The following VWA3A variants were observed in gnomAD, a reference collection of about 807,000 sequenced individuals.
The protein encoded by VWA3A is von Willebrand factor A domain containing 3A.
In VWA3A, 134 loss-of-function variants were observed where a neutral mutation model predicts 160.4. That is an observed-to-expected ratio of 0.84 (90% CI 0.73 to 0.96). The LOEUF (loss-of-function observed/expected upper bound fraction) is 0.96, where lower values mean the gene tolerates loss of function less well. VWA3A is among the 40% of genes least tolerant of loss of function. The probability of loss-of-function intolerance (pLI) is 0.00; values close to 1 mark genes in which losing one functional copy is unlikely to be tolerated. For missense variants in VWA3A, 1,310 were observed against 1,447.9 expected (o/e 0.90, Z 1.55); for synonymous variants, 476 against 543.4 (o/e 0.88, Z 1.72).
At chr16:22,139,036 T>C (rs1369060731) in intron 22 of VWA3A, among the ~76,000 whole-genome samples, 2 of 152,086 alleles carry the variant, frequency 1.3e-5, no homozygotes, top group African/African-American at 4.8e-5. Context: ...CAGAGGCACC[T>C]GTGCTTGTGA....
At position 22,142,711 on chromosome 16, in the gene VWA3A, G is replaced by A; in HGVS notation, c.2538G>A (p.Arg846=). The change falls in exon 25 of 34, where the codon AGG becomes AGA. Residue 846 remains arginine, a synonymous_variant. Transcript: ENST00000389398. ...ACCCTCAAGGAAGGGGCTTGAGAAG[G>A]ACTAGCTCTTCTATTGACTTACCCA... ...KKYPQGRGLR[R]TSSSIDLPRK... 1 of 1,576,026 alleles carries A rather than the reference G, an allele frequency of 6.3e-7. No homozygotes were observed. Among genetic ancestry groups the A allele is most frequent in the South Asian group, 1.2e-5 (1 of 85,614 alleles).
chr16:22,127,205 C>A (rs1436728674), intron 17 of VWA3A, among the ~76,000 whole-genome samples: 1 of 151,958 alleles, frequency 6.6e-6, no homozygotes, highest in Non-Finnish European at 1.5e-5. Context: ...AAGTTCACTG[C>A]AGCCTCCTCC....
chr16:22,113,132 A>T (rs2045574846), intron 8 of VWA3A, among the ~76,000 whole-genome samples: 1 of 152,104 alleles, frequency 6.6e-6, no homozygotes, highest in African/African-American at 2.4e-5. Flanking sequence ...ACCCTATGTC[A>T]TATCTTTACC....
At position 22,096,841 on chromosome 16, in the gene VWA3A, T is replaced by C. The variant is rs2141826354; in HGVS notation, c.15-18T>C. 2 of 1,479,158 alleles carry C rather than the reference T, an allele frequency of 1.4e-6. No individual in the cohort carries two copies. Among genetic ancestry groups the C allele is most frequent in the East Asian group, 2.5e-5 (1 of 40,634 alleles). 91.6% of individuals were successfully genotyped at this position (1,479,158 alleles called of 1,614,324 possible). On this transcript the variant is annotated intron_variant, in intron 1 of 33. Transcript: ENST00000389398. ...ATGCCACATTTATCCTGTTTTCTGG[T>C]ATTCTTTTCTTCTTTAGGAAAATAA... is the stretch of plus-strand genomic sequence containing the variant.
chr16:22,095,615 T>C (rs1045703272), intron 1 of VWA3A, among the ~76,000 whole-genome samples: 4 of 152,220 alleles, frequency 2.6e-5, no homozygotes, highest in Non-Finnish European at 5.9e-5. Flanking sequence ...TTGAGTGCAG[T>C]GGCATGATCA....
intron 16 of VWA3A, among the ~76,000 whole-genome samples, chr16:22,124,127 G>A (rs1282289887): frequency 2.1e-5 from 3 of 144,054 alleles, no homozygotes; most frequent in African/African-American, 7.9e-5. Flanking sequence ...GCTGCAGTGG[G>A]CTATGATCGT....
At chr16:22,113,787 T>TG (rs2045591930) in intron 8 of VWA3A, among the ~76,000 whole-genome samples, 1 of 151,386 alleles carries the variant, frequency 6.6e-6, no homozygotes, top group African/African-American at 2.4e-5. Flanking sequence ...TTTGTGGAGA[T>TG]GGGGTCTGGC....
At position 22,124,582 on chromosome 16, in the gene VWA3A, CAG is replaced by C. The variant is rs1247051283; in HGVS notation, c.1532+878_1532+879del. Among the ~76,000 whole-genome samples, 5 of 146,008 alleles carry C rather than the reference CAG, an allele frequency of 3.4e-5. No individual in the cohort carries two copies. The Admixed American group carries it at 3.5e-4, about 10-fold the overall frequency. ...TTATTATTATTATTATTATTAGAGA[CAG>C]AGTCTTGCTATGTTGCCCAGGCTGG... On this transcript the variant is annotated intron_variant, in intron 16 of 33. Coordinates refer to ENST00000389398, the MANE Select transcript of VWA3A (RefSeq NM_173615.5).
At chr16:22,104,047 G>T (rs181571393) in intron 6 of VWA3A, among the ~76,000 whole-genome samples, 2 of 152,190 alleles carry the variant, frequency 1.3e-5, no homozygotes, top group African/African-American at 4.8e-5. Context: ...ACAGATGGTT[G>T]CATGTGGAAG....
At chr16:22,115,769 T>G (rs1348065255) in intron 9 of VWA3A, among the ~76,000 whole-genome samples, 1 of 148,620 alleles carries the variant, frequency 6.7e-6, no homozygotes, top group Non-Finnish European at 1.5e-5. Flanking sequence ...CCCAGGAGTT[T>G]AAGGCTGCAG....
At chr16:22,138,062 G>A (rs1415418610) in intron 21 of VWA3A, among the ~76,000 whole-genome samples, 2 of 152,146 alleles carry the variant, frequency 1.3e-5, no homozygotes. Context: ...GTAAAATGGG[G>A]AGACGACACA....
chr16:22,103,624 A>ACT, intron 6 of VWA3A, 95 bp downstream of exon 6: 1 of 1,429,390 alleles, frequency 7.0e-7, no homozygotes, highest in Non-Finnish European at 9.5e-7. Context: ...CTCCAATATA[A>ACT]ATTGCTTAAG....
chr16:22,110,192 C>T (rs2141868859), intron 7 of VWA3A, among the ~76,000 whole-genome samples: 1 of 152,240 alleles, frequency 6.6e-6, no homozygotes, highest in Middle Eastern at 3.4e-3. Flanking sequence ...CCTAGGGTTG[C>T]CATAAGGGTA....
At position 22,097,043 on chromosome 16, in the gene VWA3A, G is replaced by A. The variant is rs2045337194; in HGVS notation, c.101+98G>A. 4 of 751,922 alleles carry A rather than the reference G, an allele frequency of 5.3e-6. No individual in the cohort carries two copies. The South Asian group carries it at 5.3e-5, about 10-fold the overall frequency. The allele number at this position is 751,922 out of a possible 1,614,324, so 46.6% of individuals were successfully genotyped here. On this transcript the variant is annotated intron_variant, in intron 2 of 33. Transcript: ENST00000389398. ...TGCAGTGGCACAATCTAGGCTCACT[G>A]CAAGCTCTGCCCTCCGGGTTCATGC...
chr16:22,118,835 C>T, intron 11 of VWA3A, 67 bp from the exon 12 acceptor site: 1 of 1,596,984 alleles, frequency 6.3e-7, no homozygotes, highest in Non-Finnish European at 8.5e-7. Flanking sequence ...CTGCTTGCCC[C>T]TTCCTGGGTT....
intron 1 of VWA3A, among the ~76,000 whole-genome samples, chr16:22,095,582 G>T (rs1405138659): frequency 2.6e-5 from 4 of 152,158 alleles, no homozygotes; most frequent in African/African-American, 9.7e-5. Context: ...TTTAGAAACA[G>T]AATCTCCCTC....
chr16:22,142,890 C>A, intron 25 of VWA3A, 125 bp downstream of exon 25: 2 of 708,266 alleles, frequency 2.8e-6, no homozygotes, highest in Non-Finnish European at 4.7e-6. Context: ...GTGACTCACA[C>A]CTGTAATCCC....
Position 22,129,051 on chromosome 16 carries a change from C to A in VWA3A, c.1653-2154C>A, listed in dbSNP as rs554513275. Among the ~76,000 whole-genome samples, 4 of 152,004 alleles carry A rather than the reference C, an allele frequency of 2.6e-5. No homozygotes were observed. The South Asian group carries it at 8.3e-4, about 32-fold the overall frequency. ...GGCAGGAGTTTACCTATATAACAAACCTGCACACGTACCCCTGAGCCCAAA... is the reference window on the plus strand; with the variant it reads ...GGCAGGAGTTTACCTATATAACAAAACTGCACACGTACCCCTGAGCCCAAA... On this transcript the variant is annotated intron_variant, in intron 17 of 33. Transcript: ENST00000389398.
chr16:22,115,833 G>GGAAA, intron 9 of VWA3A, among the ~76,000 whole-genome samples: 1 of 1,032 alleles, frequency 9.7e-4, no homozygotes, highest in Non-Finnish European at 2.2e-3. Flanking sequence ...TGAGACCCAG[G>GGAAA]GAAGGAAGGA....
Sources: allele counts gnomAD v4.1 joint callset (sites outside exome capture counted in the v4.1 genomes callset), GRCh38; gene constraint gnomAD v4.1.1; transcripts MANE v1.5; gene names NCBI Gene and HGNC (gene_info 2026-07-23, HGNC 2026-07-21).